AMER3: variants seen among roughly 807,000 people sequenced by gnomAD.
AMER3 encodes APC membrane recruitment protein 3, also known as family with sequence similarity 123C.
For missense variants in AMER3, 1,201 were observed against 1,139.4 expected (o/e 1.05, Z -0.78); for synonymous variants, 541 against 485.5 (o/e 1.11, Z -1.50).
Position 130,762,597 on chromosome 2 carries a change from C to T in AMER3, c.525C>T (p.Ala175=), listed in dbSNP as rs775681923. Residue 175 remains alanine (A), a synonymous_variant, in exon 2 of 2, where the codon GCC becomes GCT. Coordinates refer to ENST00000321420, the MANE Select transcript of AMER3 (RefSeq NM_152698.3). ...HIRRNKTEDL[A]SLAAEGKSLP... Reference sequence around the variant, plus strand: ...GGAGAAACAAGACTGAGGACTTGGCCTCGCTGGCGGCCGAGGGGAAAAGCC... The same window carrying T: ...GGAGAAACAAGACTGAGGACTTGGCTTCGCTGGCGGCCGAGGGGAAAAGCC... The T allele has an allele frequency of 6.2e-7, 1 of 1,613,030 alleles. No homozygotes were observed. Among genetic ancestry groups the T allele is most frequent in the East Asian group, 2.2e-5 (1 of 44,874 alleles).
chr2:130,760,388 C>A (rs1440678132), intron 1 of AMER3, among the ~76,000 whole-genome samples: 2 of 152,228 alleles, frequency 1.3e-5, no homozygotes, highest in African/African-American at 4.8e-5. Flanking sequence ...AGTCCCTCGC[C>A]CCCCTGGGTC....
intron 1 of AMER3, among the ~76,000 whole-genome samples, chr2:130,758,532 A>G (rs971607935): frequency 1.3e-5 from 2 of 152,266 alleles, no homozygotes; most frequent in Non-Finnish European, 2.9e-5. Flanking sequence ...CATCCTGTTT[A>G]GGGAACTTAG....
rs1293788366 is a variant in AMER3 at position 130,767,421 on chromosome 2, T to A, written c.*2763T>A. The A allele has an allele frequency of 6.0e-6, 1 of 166,250 alleles. No homozygotes were observed. Among genetic ancestry groups the A allele is most frequent in the Non-Finnish European group, 1.5e-5 (1 of 68,066 alleles). 10.3% of individuals were successfully genotyped at this position (166,250 alleles called of 1,614,324 possible). On this transcript the variant is annotated 3_prime_UTR_variant, in exon 2 of 2. Transcript: ENST00000321420. ...AAGAGGAGCGTGAGTTGTGCTGTCCTGGCTCGAGAAGAAGGCAGCACAGGA... is the reference window on the plus strand; with the variant it reads ...AAGAGGAGCGTGAGTTGTGCTGTCCAGGCTCGAGAAGAAGGCAGCACAGGA...
chr2:130,762,695 C>T lies in AMER3; in HGVS notation c.623C>T (p.Pro208Leu), dbSNP rs770223138. Residue 208 changes from proline to leucine, a missense_variant, in exon 2 of 2, where the codon CCG becomes CTG. Transcript: ENST00000321420. ...SKAFLPPGEGPGLDGLCQDLL... is the reference protein window; with the variant it reads ...SKAFLPPGEGLGLDGLCQDLL... ...GCCTTCCTCCCCCCGGGTGAGGGGC[C>T]GGGGCTGGACGGCCTGTGCCAGGAC... 9.9e-6 allele frequency: 16 copies of T among 1,611,270 alleles called. No homozygotes were observed. The highest frequency in any genetic ancestry group is 9.3e-5 in the African/African-American group (7 of 74,920).
At position 130,762,338 on chromosome 2, in the gene AMER3, TG is replaced by T. The variant is rs1342975590; in HGVS notation, c.267del (p.Arg90GlufsTer37). ...AALCGATFKP[V>X]RKCKTHDSMS... is the part of the protein sequence containing the mutation. ...CTCTGTGGAGCCACCTTCAAACCGGTGCGAAAGTGCAAGACTCACGACAGCA... is the reference window on the plus strand; with the variant it reads ...CTCTGTGGAGCCACCTTCAAACCGGTCGAAAGTGCAAGACTCACGACAGCA... On this transcript the variant is annotated frameshift_variant, in exon 2 of 2. Coordinates refer to ENST00000321420, the MANE Select transcript of AMER3 (RefSeq NM_152698.3). LOFTEE classifies it low-confidence loss of function (END_TRUNC). The T allele has an allele frequency of 1.2e-6, 2 of 1,610,984 alleles. No homozygotes were observed. The highest frequency in any genetic ancestry group is 3.3e-5 in the Admixed American group (2 of 59,740).
rs1283466139 is a variant in AMER3, at chr2:130,764,173, A to G, written c.2101A>G (p.Met701Val). Reference sequence around the variant, plus strand: ...GGCCGCATGGCCTCCAAGGCAAGACATGGGCAGTGGGCTCTTTGGGCAGCG... The same window carrying G: ...GGCCGCATGGCCTCCAAGGCAAGACGTGGGCAGTGGGCTCTTTGGGCAGCG... The part of the protein sequence containing the change: ...PPAAWPPRQD[M>V]GSGLFGQRWA... The change falls in exon 2 of 2, where the codon ATG becomes GTG. Residue 701 changes from methionine (M) to valine (V), a missense_variant. Physicochemically the swap from Met to Val is conservative, Grantham distance 21. Transcript: ENST00000321420. 1 of 1,608,594 alleles carries G rather than the reference A, an allele frequency of 6.2e-7. No individual in the cohort carries two copies. The highest frequency in any genetic ancestry group is 8.5e-7 in the Non-Finnish European group (1 of 1,176,952).
rs1019592787 is a variant in AMER3 at position 130,766,377 on chromosome 2, G to C, written c.*1719G>C. 5 of 166,476 alleles carry C rather than the reference G, an allele frequency of 3.0e-5. No homozygotes were observed. In the Admixed American group the frequency reaches 3.3e-4, roughly 11 times the overall value. 10.3% of individuals were successfully genotyped at this position (166,476 alleles called of 1,614,324 possible). On this transcript the variant is annotated 3_prime_UTR_variant, in exon 2 of 2. Coordinates refer to ENST00000321420, the MANE Select transcript of AMER3 (RefSeq NM_152698.3). ...CTCAGGAACATTGTATTACTGTTTT[G>C]TGTTGCTATAAAGGATAACTGTGAC... is the stretch of plus-strand genomic sequence containing the variant.
intron 1 of AMER3, among the ~76,000 whole-genome samples, chr2:130,758,971 C>T (rs796319443): frequency 2.7e-4 from 41 of 152,382 alleles, no homozygotes; most frequent in African/African-American, 9.9e-4. Flanking sequence ...AAGTTGACTT[C>T]TCAGTCTGCC....
rs572795489 is a variant in AMER3, at chr2:130,767,795, C to T, written c.*3137C>T. The T allele has an allele frequency of 3.0e-5, 5 of 167,312 alleles. No homozygotes were observed. The highest frequency in any genetic ancestry group is 2.6e-4 in the Admixed American group (4 of 15,312). 10.4% of individuals were successfully genotyped at this position (167,312 alleles called of 1,614,324 possible). A position where few individuals can be genotyped will look rare whatever the true frequency, so the allele number is the denominator to read the frequency against. On this transcript the variant is annotated 3_prime_UTR_variant, in exon 2 of 2. Coordinates refer to ENST00000321420, the MANE Select transcript of AMER3 (RefSeq NM_152698.3). Reference sequence around the variant, plus strand: ...GTCAGCCCCATTTTTCAGACCTGGACACGGAGGCACAGGGTGCTGGTGTGA... The same window carrying T: ...GTCAGCCCCATTTTTCAGACCTGGATACGGAGGCACAGGGTGCTGGTGTGA...
In AMER3 at chr2:130,766,886, C is replaced by T. The variant is rs893151202; in HGVS notation, c.*2228C>T. ...CTAGATTATTTGTCACGAATCATCCCCTACAAACAATGATTTCCCTCCGCT... is the reference window on the plus strand; with the variant it reads ...CTAGATTATTTGTCACGAATCATCCTCTACAAACAATGATTTCCCTCCGCT... On this transcript the variant is annotated 3_prime_UTR_variant, in exon 2 of 2. Transcript: ENST00000321420. The T allele has an allele frequency of 1.8e-5, 3 of 167,044 alleles. No individual in the cohort carries two copies. The highest frequency in any genetic ancestry group is 4.8e-5 in the African/African-American group (2 of 41,442). 10.3% of individuals were successfully genotyped at this position (167,044 alleles called of 1,614,324 possible).
chr2:130,760,873 C>T (rs547003667), intron 1 of AMER3, among the ~76,000 whole-genome samples: 9 of 152,278 alleles, frequency 5.9e-5, no homozygotes, highest in African/African-American at 2.2e-4. Flanking sequence ...GCTCATTTCC[C>T]TCCTCGAGCT....
At position 130,764,113 on chromosome 2, in the gene AMER3, G is replaced by T; in HGVS notation, c.2041G>T (p.Ala681Ser). 1 of 1,611,838 alleles carries T rather than the reference G, an allele frequency of 6.2e-7. No homozygotes were observed. Among genetic ancestry groups the T allele is most frequent in the Non-Finnish European group, 8.5e-7 (1 of 1,179,340 alleles). ...PMLAGCVARV[A>S]ALKISSNEQP... ...GCTGGCAGGCTGTGTGGCCCGTGTG[G>T]CAGCCCTGAAGATCAGCTCAAACGA... Residue 681 changes from alanine to serine, a missense_variant, in exon 2 of 2, where the codon GCA becomes TCA. Ala to Ser is a moderately conservative substitution (Grantham distance 99). Coordinates refer to ENST00000321420, the MANE Select transcript of AMER3 (RefSeq NM_152698.3).
chr2:130,760,698 G>A (rs1678751067), intron 1 of AMER3, among the ~76,000 whole-genome samples: 1 of 152,158 alleles, frequency 6.6e-6, no homozygotes, highest in Non-Finnish European at 1.5e-5. Flanking sequence ...GATAGGAGCA[G>A]GCTGAGTCCA....
In AMER3 at chr2:130,763,532, C is replaced by G. The variant is rs538407331; in HGVS notation, c.1460C>G (p.Ser487Cys). Reference protein sequence around the residue: ...DLLSQGFLQSSWKGKECLLKL... With the variant: ...DLLSQGFLQSCWKGKECLLKL... ...CTCAGCCAGGGCTTCCTACAGAGCT[C>G]CTGGAAGGGCAAGGAGTGCCTGCTG... Residue 487 changes from serine (S) to cysteine (C), a missense_variant, in exon 2 of 2, where the codon TCC (serine) becomes TGC (cysteine). Physicochemically the swap from Ser to Cys is moderately radical, Grantham distance 112. Transcript: ENST00000321420. 1 of 1,612,620 alleles carries G rather than the reference C, an allele frequency of 6.2e-7. No individual in the cohort carries two copies. The highest frequency in any genetic ancestry group is 1.3e-5 in the African/African-American group (1 of 75,052).
In AMER3 at chr2:130,766,405, G is replaced by A. The variant is rs964768913; in HGVS notation, c.*1747G>A. 6.1e-5 allele frequency: 10 copies of A among 165,238 alleles called. No homozygotes were observed. Among genetic ancestry groups the A allele is most frequent in the African/African-American group, 2.4e-4 (10 of 40,938 alleles). The allele number at this position is 165,238 out of a possible 1,614,324, so 10.2% of individuals were successfully genotyped here. A position where few individuals can be genotyped will look rare whatever the true frequency, so the allele number is the denominator to read the frequency against. On this transcript the variant is annotated 3_prime_UTR_variant, in exon 2 of 2. Coordinates refer to ENST00000321420, the MANE Select transcript of AMER3 (RefSeq NM_152698.3). ...TTGCTATAAAGGATAACTGTGACCA[G>A]ATCATTTATAAAGTAAAGAAGTTTA...
chr2:130,760,738 G>A (rs1317390028), intron 1 of AMER3, among the ~76,000 whole-genome samples: 1 of 152,152 alleles, frequency 6.6e-6, no homozygotes, highest in South Asian at 2.1e-4. Context: ...GGGGAACAGA[G>A]GGGAGGGACT....
intron 1 of AMER3, among the ~76,000 whole-genome samples, chr2:130,757,070 G>A (rs1316278859): frequency 6.6e-6 from 1 of 152,012 alleles, no homozygotes; most frequent in Non-Finnish European, 1.5e-5. Flanking sequence ...TTGTCTCAAG[G>A]CGTTTCTGTG....
chr2:130,763,465 G>A lies in AMER3; in HGVS notation c.1393G>A (p.Gly465Arg), dbSNP rs760119903. The A allele has an allele frequency of 6.2e-7, 1 of 1,612,598 alleles. No individual in the cohort carries two copies. Among genetic ancestry groups the A allele is most frequent in the African/African-American group, 1.3e-5 (1 of 74,922 alleles). The change falls in exon 2 of 2, where the codon GGG becomes AGG. Residue 465 changes from glycine to arginine, a missense_variant. By Grantham distance (125) the Gly-to-Arg change is moderately radical. Coordinates refer to ENST00000321420, the MANE Select transcript of AMER3 (RefSeq NM_152698.3). ...ACTGTCCATATGCAGCTTCCGAGTG[G>A]GGGCCGAGGAGAACTTGGCCCCAGC... Reference protein sequence around the residue: ...TPLSICSFRVGAEENLAPAPG... With the variant: ...TPLSICSFRVRAEENLAPAPG...
chr2:130,764,403 C>T lies in AMER3; in HGVS notation c.2331C>T (p.Leu777=). 4 of 1,612,106 alleles carry T rather than the reference C, an allele frequency of 2.5e-6. No individual in the cohort carries two copies. The highest frequency in any genetic ancestry group is 3.4e-6 in the Non-Finnish European group (4 of 1,179,532). Residue 777 remains leucine, a synonymous_variant, in exon 2 of 2, where the codon CTC becomes CTT. Coordinates refer to ENST00000321420, the MANE Select transcript of AMER3 (RefSeq NM_152698.3). ...CTGTGGAGGACCAGCCCTTGCAGCT[C>T]AGCACAGAGGCTGTGGAGCAGGTGG... ...WASVEDQPLQ[L]STEAVEQVAH...
Sources: gnomAD v4.1 joint callset for allele counts (sites outside exome capture counted in the v4.1 genomes callset) on GRCh38, gnomAD v4.1.1 for gene constraint, MANE v1.5 for transcripts, NCBI Gene and HGNC (gene_info 2026-07-23, HGNC 2026-07-21) for gene names.